The following FAM107B variants were observed in gnomAD, a reference collection of about 807,000 sequenced individuals.
FAM107B encodes the protein family with sequence similarity 107 member B, also known as protein FAM107B.
Under a neutral mutation model 31.5 loss-of-function variants are expected in FAM107B, and 21 were observed. That is an observed-to-expected ratio of 0.67 (90% CI 0.47 to 0.96). The LOEUF (loss-of-function observed/expected upper bound fraction) is 0.96. FAM107B is among the 40% of genes least tolerant of loss of function. The pLI is 0.00. For synonymous variants in FAM107B, 157 were observed against 141.5 expected (o/e 1.11, Z -0.78); for missense variants, 452 against 377.1 (o/e 1.20, Z -1.64).
intron 1 of FAM107B, among the ~76,000 whole-genome samples, chr10:14,693,073 C>T (rs781571809): frequency 2.6e-5 from 4 of 152,314 alleles, no homozygotes; most frequent in Non-Finnish European, 5.9e-5. Flanking sequence ...TAAATGACAT[C>T]GCAGAGAGCT....
chr10:14,623,564 G>A (rs534998043), intron 2 of FAM107B, among the ~76,000 whole-genome samples: 9 of 152,226 alleles, frequency 5.9e-5, no homozygotes, highest in East Asian at 1.9e-4. Flanking sequence ...GGTGGCTTAC[G>A]CCCGTAATCC....
intron 2 of FAM107B, among the ~76,000 whole-genome samples, chr10:14,598,014 G>C (rs1852243591): frequency 2.0e-5 from 3 of 152,078 alleles, no homozygotes; most frequent in Admixed American, 2.0e-4. Flanking sequence ...CCATTTTTTA[G>C]TTGGGTTCTT....
chr10:14,685,583 C>A (rs536150332), intron 1 of FAM107B, among the ~76,000 whole-genome samples: 1 of 152,244 alleles, frequency 6.6e-6, no homozygotes, highest in Admixed American at 6.5e-5. Context: ...GGGAGTGCAG[C>A]CTGGTAGCTG....
intron 1 of FAM107B, among the ~76,000 whole-genome samples, chr10:14,697,278 C>T (rs569988722): frequency 2.8e-4 from 43 of 152,318 alleles, no homozygotes; most frequent in African/African-American, 1.0e-3. Flanking sequence ...TCTCCTGAGA[C>T]CCCCCAACCC....
chr10:14,731,547 G>C (rs1856174550), intron 1 of FAM107B, among the ~76,000 whole-genome samples: 1 of 152,138 alleles, frequency 6.6e-6, no homozygotes, highest in Non-Finnish European at 1.5e-5. Context: ...GGGTGACAGA[G>C]CGAGACTCCA....
intron 3 of FAM107B, among the ~76,000 whole-genome samples, chr10:14,523,201 T>C (rs1030324018): frequency 6.6e-6 from 1 of 152,274 alleles, no homozygotes; most frequent in African/African-American, 2.4e-5. Context: ...CTTTCCAGAA[T>C]GCTGGATTAT....
At chr10:14,661,411 T>G (rs1854235257) in intron 2 of FAM107B, 1 of 152,144 alleles carries the variant, frequency 6.6e-6, no homozygotes, top group Non-Finnish European at 1.5e-5. Flanking sequence ...AGGTGGCCAT[T>G]ACCCAATCTG....
intron 2 of FAM107B, among the ~76,000 whole-genome samples, chr10:14,616,491 C>T (rs1289693851): frequency 1.3e-5 from 2 of 152,170 alleles, no homozygotes; most frequent in Non-Finnish European, 2.9e-5. Flanking sequence ...GTTCCATTGC[C>T]TAGGTCAGCC....
intron 1 of FAM107B, among the ~76,000 whole-genome samples, chr10:14,677,608 G>T (rs972838304): frequency 6.6e-6 from 1 of 151,738 alleles, no homozygotes. Context: ...GCGACAGAGC[G>T]AGACTCCGTC....
intron 2 of FAM107B, among the ~76,000 whole-genome samples, chr10:14,649,812 G>A (rs1411124742): frequency 6.6e-6 from 1 of 152,168 alleles, no homozygotes; most frequent in Non-Finnish European, 1.5e-5. Context: ...CTCATATTTG[G>A]CTCGGAATAC....
chr10:14,611,484 TTA>T (rs3035276), intron 2 of FAM107B, among the ~76,000 whole-genome samples: 3,371 of 123,192 alleles, frequency 0.027, 27 homozygotes, highest in South Asian at 0.036. Context: ...AATGCCAGTT[TTA>T]TATATATATA....
At chr10:14,695,065 G>A (rs1024544063) in intron 1 of FAM107B, among the ~76,000 whole-genome samples, 3 of 152,148 alleles carry the variant, frequency 2.0e-5, no homozygotes, top group South Asian at 2.1e-4. Flanking sequence ...TATGCAAAAC[G>A]TCATTACCAA....
chr10:14,718,632 C>A (rs1269203695), intron 1 of FAM107B, among the ~76,000 whole-genome samples: 1 of 152,148 alleles, frequency 6.6e-6, no homozygotes, highest in Non-Finnish European at 1.5e-5. Context: ...AGGAAGAATG[C>A]ACCAACCAAC....
intron 2 of FAM107B, among the ~76,000 whole-genome samples, chr10:14,636,112 A>G (rs778600530): frequency 1.8e-4 from 28 of 152,240 alleles, no homozygotes; most frequent in Middle Eastern, 3.4e-3. Flanking sequence ...GAGCACAACT[A>G]CTTCTTCGAT....
intron 1 of FAM107B, among the ~76,000 whole-genome samples, chr10:14,736,478 G>C (rs1048439352): frequency 6.6e-6 from 1 of 152,170 alleles, no homozygotes; most frequent in African/African-American, 2.4e-5. Flanking sequence ...TCATAATTAA[G>C]ACTCTATCCT....
intron 2 of FAM107B, among the ~76,000 whole-genome samples, chr10:14,548,042 T>C (rs955948008): frequency 6.6e-6 from 1 of 152,176 alleles, no homozygotes; most frequent in Non-Finnish European, 1.5e-5. Context: ...GAACAACCAA[T>C]ACGCAGGCTT....
chr10:14,709,869 C>T (rs77217335), intron 1 of FAM107B, among the ~76,000 whole-genome samples: 6 of 151,888 alleles, frequency 4.0e-5, no homozygotes, highest in South Asian at 4.1e-4. Flanking sequence ...TTCTGAAAAG[C>T]GCAAAACTAT....
chr10:14,648,052 G>A (rs1465463162), intron 2 of FAM107B, among the ~76,000 whole-genome samples: 1 of 148,650 alleles, frequency 6.7e-6, no homozygotes, highest in Non-Finnish European at 1.5e-5. Flanking sequence ...TAGCATATTT[G>A]AAAAGACGTG....
chr10:14,623,567 C>T (rs7089291), intron 2 of FAM107B, among the ~76,000 whole-genome samples: 148,102 of 152,340 alleles, frequency 0.97, 72,141 homozygotes, highest in Middle Eastern at 1. Context: ...GGCTTACGCC[C>T]GTAATCCCAG....
Sources: gnomAD v4.1 joint callset for allele counts (sites outside exome capture counted in the v4.1 genomes callset) on GRCh38, gnomAD v4.1.1 for gene constraint, MANE v1.5 for transcripts, NCBI Gene and HGNC (gene_info 2026-07-23, HGNC 2026-07-21) for gene names.